The following PAK3 variants were observed in gnomAD, a reference collection of about 807,000 sequenced individuals.
PAK3 encodes serine/threonine-protein kinase PAK 3.
Under a neutral mutation model 41.0 loss-of-function variants are expected in PAK3, and 4 were observed. The ratio of observed to expected loss-of-function variants is 0.10; its 90% CI spans 0.05 to 0.22. The LOEUF is 0.22. Among genes scored for constraint, PAK3 ranks in the 10% least tolerant of loss-of-function variants. PAK3 has a pLI of 1.00. For missense variants in PAK3, 205 were observed against 409.9 expected, an observed-to-expected ratio of 0.50 and a Z score of 4.32; for synonymous variants, 146 against 139.6, an observed-to-expected ratio of 1.05 and a Z score of -0.32.
At chrX:111,202,240 TGAG>T (rs1569463545) in intron 16 of PAK3, among the ~76,000 whole-genome samples, 1 of 111,863 alleles carries the variant, frequency 8.9e-6, no homozygotes, top group Non-Finnish European at 1.9e-5. Context: ...AGAAAGTGGC[TGAG>T]ATTTTTTAAT....
rs1044245561 is a variant in PAK3, at chrX:111,163,622, A to T, written c.661A>T (p.Thr221Ser). Residue 221 changes from threonine (T) to serine (S), a missense_variant, in exon 10 of 18, where the codon ACA becomes TCA. Thr to Ser is a moderately conservative substitution (Grantham distance 58, BLOSUM62 1). Coordinates refer to ENST00000372007, the MANE Select transcript of PAK3 (RefSeq NM_002578.5). Reference protein sequence around the residue: ...ASPAVPNKEVTPPSAENANSS... With the variant: ...ASPAVPNKEVSPPSAENANSS... Reference sequence around the variant, plus strand: ...ACCAGCAGTACCAAATAAAGAGGTCACACCACCCTCTGCTGAAAATGCCAA... The same window carrying T: ...ACCAGCAGTACCAAATAAAGAGGTCTCACCACCCTCTGCTGAAAATGCCAA... 1 of 1,192,583 alleles carries T rather than the reference A, an allele frequency of 8.4e-7. No individual in the cohort carries two copies. Among genetic ancestry groups the T allele is most frequent in the Admixed American group, 2.2e-5 (1 of 45,955 alleles).
chrX:111,165,311 A>G (rs2094241135), intron 10 of PAK3, among the ~76,000 whole-genome samples: 1 of 112,071 alleles, frequency 8.9e-6, no homozygotes, highest in South Asian at 3.8e-4. Context: ...TAACAGCAGT[A>G]ATAATTCTCA....
intron 1 of PAK3, among the ~76,000 whole-genome samples, chrX:111,047,052 G>A (rs911008817): frequency 1.8e-5 from 2 of 111,881 alleles, no homozygotes; most frequent in African/African-American, 6.5e-5. Flanking sequence ...TGGCCTCTGA[G>A]GTAAATGCCA....
intron 1 of PAK3, among the ~76,000 whole-genome samples, chrX:111,086,802 A>T (rs868046429): frequency 2.7e-5 from 3 of 111,714 alleles, no homozygotes; most frequent in South Asian, 3.8e-4. Flanking sequence ...GAATTTGAAA[A>T]TATGTTTAAA....
At chrX:110,964,496 G>A (rs1487145652) in intron 1 of PAK3, among the ~76,000 whole-genome samples, 1 of 111,919 alleles carries the variant, frequency 8.9e-6, no homozygotes, top group East Asian at 2.8e-4. Flanking sequence ...CCTTTATATG[G>A]AAATCATCTG....
chrX:111,147,623 C>A (rs766686061), intron 6 of PAK3, 114 bp from the exon 7 acceptor site: 336 of 567,750 alleles, frequency 5.9e-4, no homozygotes, highest in Non-Finnish European at 9.6e-4. Context: ...CTTCAGTTTC[C>A]CAAGTGTAAT....
rs1206030584 is a variant in PAK3, at chrX:111,123,283, A to G, written c.175+5A>G. 1 of 1,183,933 alleles carries G rather than the reference A, an allele frequency of 8.4e-7. No homozygotes were observed. Among genetic ancestry groups the G allele is most frequent in the Non-Finnish European group, 1.1e-6 (1 of 870,007 alleles). On this transcript the variant is annotated splice_donor_5th_base_variant and intron_variant, in intron 5 of 17. Coordinates refer to ENST00000372007, the MANE Select transcript of PAK3 (RefSeq NM_002578.5). ...TCCCAGGAGGAGGGGATAAAAGTAA[A>G]GTATCAGTGGCCGGGCATTGAAAAT...
intron 1 of PAK3, among the ~76,000 whole-genome samples, chrX:111,060,185 T>A (rs1363463787): frequency 1.8e-5 from 2 of 112,052 alleles, no homozygotes; most frequent in Admixed American, 1.9e-4. Flanking sequence ...TCTATTGAGA[T>A]AATGTGGGGT....
chrX:111,173,919 G>A (rs891939811), intron 11 of PAK3, among the ~76,000 whole-genome samples: 41 of 111,304 alleles, frequency 3.7e-4, no homozygotes, highest in African/African-American at 1.3e-3. Flanking sequence ...ATTCTTAAGG[G>A]ACATCCTTAA....
upstream of PAK3, among the ~76,000 whole-genome samples, chrX:111,093,018 GAAAC>G (rs1307160505): frequency 9.0e-6 from 1 of 111,690 alleles, no homozygotes; most frequent in African/African-American, 3.3e-5. Context: ...GGATTTGACT[GAAAC>G]AGTTTGAAGA....
At chrX:111,125,253 G>A (rs1466536656) in intron 5 of PAK3, among the ~76,000 whole-genome samples, 1 of 111,687 alleles carries the variant, frequency 9.0e-6, no homozygotes, top group Non-Finnish European at 1.9e-5. Flanking sequence ...CCTGTGAGAA[G>A]ACTTGGCTAG....
chrX:111,106,800 G>T (rs766017719), intron 4 of PAK3, among the ~76,000 whole-genome samples: 3 of 111,994 alleles, frequency 2.7e-5, no homozygotes, highest in Non-Finnish European at 3.8e-5. Flanking sequence ...GCAACCAGTT[G>T]CCAGAGGAAA....
At chrX:111,104,730 C>A (rs1250643648) in intron 4 of PAK3, among the ~76,000 whole-genome samples, 1 of 111,570 alleles carries the variant, frequency 9.0e-6, no homozygotes, top group African/African-American at 3.3e-5. Flanking sequence ...CCATTTTCTC[C>A]TATGATAATC....
At chrX:110,983,882 G>A (rs2091492697) in intron 1 of PAK3, among the ~76,000 whole-genome samples, 1 of 111,787 alleles carries the variant, frequency 8.9e-6, no homozygotes, top group African/African-American at 3.3e-5. Context: ...GGTTGCTTAA[G>A]TCAAACTCCT....
chrX:111,191,861 G>A (rs936187718), intron 11 of PAK3, among the ~76,000 whole-genome samples: 3 of 111,364 alleles, frequency 2.7e-5, no homozygotes, highest in Non-Finnish European at 5.7e-5. Flanking sequence ...TCCACCACAA[G>A]GGATACATTG....
At chrX:111,057,127 C>A (rs1368546533) in intron 1 of PAK3, among the ~76,000 whole-genome samples, 2 of 110,940 alleles carry the variant, frequency 1.8e-5, no homozygotes, top group Non-Finnish European at 3.8e-5. Context: ...AAAAAACAAA[C>A]AATCCCATCA....
At chrX:111,154,553 T>C (rs776377928) in intron 8 of PAK3, among the ~76,000 whole-genome samples, 42 of 111,725 alleles carry the variant, frequency 3.8e-4, no homozygotes, top group Non-Finnish European at 7.5e-4. Flanking sequence ...ATTTATTAAA[T>C]GTAAACTACT....
chrX:111,151,046 A>T (rs1248010110), intron 7 of PAK3, among the ~76,000 whole-genome samples: 5 of 111,826 alleles, frequency 4.5e-5, no homozygotes, highest in African/African-American at 1.3e-4. Context: ...CTATTGCTTA[A>T]CTGCTGTTAT....
chrX:111,194,710 A>G (rs1381243612), intron 14 of PAK3, among the ~76,000 whole-genome samples: 1 of 112,255 alleles, frequency 8.9e-6, no homozygotes, highest in Non-Finnish European at 1.9e-5. Flanking sequence ...AACATGGGAA[A>G]CAGTGATATT....
Sources: allele counts gnomAD v4.1 joint callset (sites outside exome capture counted in the v4.1 genomes callset), GRCh38; gene constraint gnomAD v4.1.1; transcripts MANE v1.5; gene names NCBI Gene and HGNC (gene_info 2026-07-23, HGNC 2026-07-21).